Variants in CSPP1 observed in about 807,000 individuals in gnomAD.
The protein encoded by CSPP1 is centrosome and spindle pole-associated protein 1.
In CSPP1, 126 loss-of-function variants were observed where a neutral mutation model predicts 164.4. The ratio of observed to expected loss-of-function variants is 0.77; its 90% CI spans 0.66 to 0.89. The LOEUF is 0.89. Among genes scored for constraint, CSPP1 ranks in the 40% least tolerant of loss-of-function variants. The pLI, the probability that CSPP1 is intolerant of heterozygous loss-of-function variation, is 0.00. For missense variants in CSPP1, 1,395 were observed against 1,449.8 expected (o/e 0.96, Z 0.61); for synonymous variants, 472 against 476.7 (o/e 0.99, Z 0.13).
chr8:67,155,897 A>G (rs1159741050), intron 19 of CSPP1, among the ~76,000 whole-genome samples: 2 of 152,190 alleles, frequency 1.3e-5, no homozygotes, highest in Non-Finnish European at 2.9e-5. Context: ...GTGCTTTTTA[A>G]GGTTCAGCAG....
chr8:67,096,214 G>C (rs535151385), intron 7 of CSPP1, among the ~76,000 whole-genome samples: 1 of 152,272 alleles, frequency 6.6e-6, no homozygotes, highest in South Asian at 2.1e-4. Context: ...TGGATGAGGG[G>C]AAAAATAACT....
At chr8:67,103,788 C>T (rs576135504) in intron 8 of CSPP1, among the ~76,000 whole-genome samples, 4 of 146,486 alleles carry the variant, frequency 2.7e-5, no homozygotes, top group East Asian at 4.0e-4. Context: ...TGCAGTGAGC[C>T]GAGATCGCAC....
At chr8:67,190,511 C>T (rs950352588) in intron 28 of CSPP1, 139 bp from the exon 29 acceptor site, 27 of 631,840 alleles carry the variant, frequency 4.3e-5, no homozygotes, top group African/African-American at 3.8e-4. Flanking sequence ...AAAAAATCAC[C>T]GAACTGTGTA....
chr8:67,064,620 G>T, intron 1 of CSPP1, 82 bp downstream of exon 1: 1 of 1,339,610 alleles, frequency 7.5e-7, no homozygotes, highest in South Asian at 1.5e-5. Context: ...AGGGGCAGTG[G>T]CTCCCTCGGG....
At chr8:67,099,282 A>G (rs1232619183) in intron 7 of CSPP1, 1 of 152,170 alleles carries the variant, frequency 6.6e-6, no homozygotes, top group Non-Finnish European at 1.5e-5. Flanking sequence ...ATTAAAAGCC[A>G]TAGAATATTT....
At chr8:67,142,179 T>C (rs575794347) in intron 17 of CSPP1, among the ~76,000 whole-genome samples, 234 of 152,342 alleles carry the variant, frequency 1.5e-3, no homozygotes, top group African/African-American at 5.5e-3. Context: ...CAGTTCTTTA[T>C]TTATTAAAGT....
chr8:67,160,338 A>G (rs1828087393), intron 21 of CSPP1, among the ~76,000 whole-genome samples: 1 of 151,694 alleles, frequency 6.6e-6, no homozygotes, highest in African/African-American at 2.4e-5. Context: ...GGTGGCAGGC[A>G]CCTGTAGTCC....
At chr8:67,085,026 A>G (rs1404065309) in intron 3 of CSPP1, among the ~76,000 whole-genome samples, 1 of 152,176 alleles carries the variant, frequency 6.6e-6, no homozygotes, top group Non-Finnish European at 1.5e-5. Context: ...TTGTACAGTC[A>G]TCATTGTCAT....
chr8:67,104,435 T>A (rs1814912533), intron 8 of CSPP1, among the ~76,000 whole-genome samples: 1 of 151,952 alleles, frequency 6.6e-6, no homozygotes, highest in Non-Finnish European at 1.5e-5. Flanking sequence ...GGCTAGTTTT[T>A]TAAAAAATTT....
chr8:67,179,100 T>G (rs1411778748), intron 27 of CSPP1, among the ~76,000 whole-genome samples: 2 of 152,190 alleles, frequency 1.3e-5, no homozygotes, highest in African/African-American at 4.8e-5. Context: ...GCCCAGATTA[T>G]CTGGTAAGAA....
Position 67,190,655 on chromosome 8 carries a change from T to TA in CSPP1, c.3227dup (p.Tyr1076Ter), listed in dbSNP as rs587777141. 1 of 1,613,774 alleles carries TA rather than the reference T, an allele frequency of 6.2e-7. No homozygotes were observed. Among genetic ancestry groups the TA allele is most frequent in the East Asian group, 2.2e-5 (1 of 44,888 alleles). Residue 1076 changes from tyrosine to a stop codon, truncating the protein, a stop_gained and frameshift_variant, in exon 29 of 31, where the codon TAC (tyrosine) becomes TAAC (stop). Coordinates refer to ENST00000678616, the MANE Select transcript of CSPP1 (RefSeq NM_001382391.1). LOFTEE classifies it high-confidence loss of function. Reference protein sequence around the residue: ...LESDSAFIGAYGETYPAIEDD... With the variant: ...LESDSAFIGA The stretch of plus-strand genomic sequence containing the variant: ...GCTTTTCGGGGTCCTCTTAGGGGCT[T>TA]ACGGTGAGACATATCCTGCCATTGA...
At chr8:67,175,032 A>C in intron 25 of CSPP1, 1 of 395,200 alleles carries the variant, frequency 2.5e-6, no homozygotes, top group South Asian at 2.4e-5. Flanking sequence ...ACAGGTAGAG[A>C]TGGACAATGC....
rs939978795 is a variant in CSPP1, at chr8:67,146,122, CT to C, written c.1976-3643del. Among the ~76,000 whole-genome samples the C allele has an allele frequency of 5.4e-3, 673 of 125,124 alleles. 1 individual carries two copies. The highest frequency in any genetic ancestry group is 8.8e-3 in the African/African-American group (293 of 33,478). The allele number at this position is 125,124 out of a possible 152,430, so 82.1% of individuals were successfully genotyped here. ...CTGTTTTGTAAGAGAATATACTTTT[CT>C]TTTTTTTTTTTTTTTTTGAGACAAG... On this transcript the variant is annotated intron_variant, in intron 17 of 30. Coordinates refer to ENST00000678616, the MANE Select transcript of CSPP1 (RefSeq NM_001382391.1).
At chr8:67,145,464 T>C (rs1488977491) in intron 17 of CSPP1, among the ~76,000 whole-genome samples, 2 of 152,066 alleles carry the variant, frequency 1.3e-5, no homozygotes, top group Non-Finnish European at 2.9e-5. Context: ...TTATCTTTAC[T>C]ATTTGCTTCC....
chr8:67,085,392 T>C (rs1810176786), intron 3 of CSPP1, among the ~76,000 whole-genome samples: 1 of 150,752 alleles, frequency 6.6e-6, no homozygotes, highest in South Asian at 2.1e-4. Flanking sequence ...AAAAAAGAAA[T>C]GTGATTCTAA....
chr8:67,138,866 A>G (rs972230299), intron 17 of CSPP1, among the ~76,000 whole-genome samples: 1 of 152,182 alleles, frequency 6.6e-6, no homozygotes, highest in Non-Finnish European at 1.5e-5. Flanking sequence ...GTCCTTGCCC[A>G]TGCCTATGTC....
chr8:67,105,916 A>G lies in CSPP1; in HGVS notation c.1034A>G (p.Asn345Ser), dbSNP rs1372095738. The part of the protein sequence containing the change: ...SSAENKSAPD[N>S]ETSKSANQDT... Reference sequence around the variant, plus strand: ...CTTTTTTTCTTTAGTGCTCCAGACAATGAAACATCCAAATCTGCTAATCAA... The same window carrying G: ...CTTTTTTTCTTTAGTGCTCCAGACAGTGAAACATCCAAATCTGCTAATCAA... The change falls in exon 9 of 31, where the codon AAT becomes AGT. Residue 345 changes from asparagine (N) to serine (S), a missense_variant. By Grantham distance (46) the Asn-to-Ser change is conservative (BLOSUM62 1). Transcript: ENST00000678616. 1.2e-5 allele frequency: 19 copies of G among 1,575,528 alleles called. No individual in the cohort carries two copies. The Admixed American group carries it at 2.0e-4, about 17-fold the overall frequency.
intron 28 of CSPP1, among the ~76,000 whole-genome samples, chr8:67,190,416 T>C (rs959603115): frequency 7.2e-5 from 11 of 151,958 alleles, no homozygotes; most frequent in Non-Finnish European, 1.5e-4. Flanking sequence ...TGGGGAGTGA[T>C]TGCCAGTGTG....
intron 28 of CSPP1, among the ~76,000 whole-genome samples, chr8:67,189,688 GA>G (rs1835667394): frequency 6.6e-6 from 1 of 152,146 alleles, no homozygotes; most frequent in Admixed American, 6.5e-5. Flanking sequence ...GATAAACACT[GA>G]AATATTGAGA....
Sources: allele counts gnomAD v4.1 joint callset (sites outside exome capture counted in the v4.1 genomes callset), GRCh38; gene constraint gnomAD v4.1.1; transcripts MANE v1.5; gene names NCBI Gene and HGNC (gene_info 2026-07-23, HGNC 2026-07-21).